The following ARSG variants were observed in gnomAD, a reference collection of about 807,000 sequenced individuals.
ARSG encodes ASG.
ARSG carries 37 observed loss-of-function variants against 50.5 expected under a neutral mutation model. That is an observed-to-expected ratio of 0.73 (90% CI 0.56 to 0.96). The LOEUF is 0.96. Among genes scored for constraint, ARSG ranks in the 50% least tolerant of loss-of-function variants. The pLI is 0.00. For synonymous variants in ARSG, 225 were observed against 254.6 expected, an observed-to-expected ratio of 0.88 and a Z score of 1.11; for missense variants, 629 against 675.3, an observed-to-expected ratio of 0.93 and a Z score of 0.76.
chr17:68,305,286 G>A (rs782430277), intron 1 of ARSG, among the ~76,000 whole-genome samples: 19 of 152,164 alleles, frequency 1.2e-4, no homozygotes, highest in Non-Finnish European at 1.0e-4. Context: ...AGTCTGATTT[G>A]TCGTTTTTAT....
At chr17:68,293,407 T>G (rs1156355739) in intron 1 of ARSG, among the ~76,000 whole-genome samples, 1 of 152,114 alleles carries the variant, frequency 6.6e-6, no homozygotes, top group Non-Finnish European at 1.5e-5. Context: ...AAATTATACC[T>G]AAATCCTCAG....
At chr17:68,391,454 A>G (rs1056228417) in intron 9 of ARSG, among the ~76,000 whole-genome samples, 5 of 152,162 alleles carry the variant, frequency 3.3e-5, no homozygotes, top group African/African-American at 1.2e-4. Context: ...AGTCTGAGAC[A>G]TTAGGATTCC....
At chr17:68,284,133 G>A (rs1443179924) in intron 1 of ARSG, among the ~76,000 whole-genome samples, 5 of 148,032 alleles carry the variant, frequency 3.4e-5, no homozygotes, top group Non-Finnish European at 7.4e-5. Context: ...AAAGCTGGGC[G>A]CAGTGGCTCA....
At chr17:68,293,591 C>T (rs1375208687) in intron 1 of ARSG, among the ~76,000 whole-genome samples, 1 of 151,788 alleles carries the variant, frequency 6.6e-6, no homozygotes, top group African/African-American at 2.4e-5. Context: ...TTGCTTTGTC[C>T]TCAACACTGC....
At chr17:68,325,758 T>A (rs2077480263) in intron 2 of ARSG, among the ~76,000 whole-genome samples, 1 of 152,214 alleles carries the variant, frequency 6.6e-6, no homozygotes, top group African/African-American at 2.4e-5. Flanking sequence ...GCCCTTACCC[T>A]TCTGGGGTTG....
In ARSG at chr17:68,270,715, G is replaced by A. The variant is rs1376782279; in HGVS notation, c.-552+11289G>A. On this transcript the variant is annotated intron_variant, in intron 1 of 11. Transcript: ENST00000448504. ...CTGGCTCAGGTAATCTCTAATCCCT[G>A]GCAGCTCTAAAATTCAATGGAAATA... is the stretch of plus-strand genomic sequence containing the variant. 11 of 811,596 alleles carry A rather than the reference G, an allele frequency of 1.4e-5. No individual in the cohort carries two copies. The Admixed American group carries it at 3.2e-4, about 24-fold the overall frequency. 50.3% of individuals were successfully genotyped at this position (811,596 alleles called of 1,614,324 possible). A position where few individuals can be genotyped will look rare whatever the true frequency, so the allele number is the denominator to read the frequency against.
chr17:68,430,237 G>A, the ARSG span: 41 of 1,449,056 alleles, frequency 2.8e-5, no homozygotes, highest in Admixed American at 2.4e-4. Context: ...ACACCCAAGC[G>A]TCATTAGCCA....
intron 2 of ARSG, among the ~76,000 whole-genome samples, chr17:68,325,473 A>T (rs1014467381): frequency 7.9e-5 from 12 of 152,260 alleles, no homozygotes; most frequent in African/African-American, 2.9e-4. Context: ...CATTTGAATC[A>T]TCTCGAAACC....
At chr17:68,327,652 C>G (rs1555772934) in intron 2 of ARSG, among the ~76,000 whole-genome samples, 1 of 152,190 alleles carries the variant, frequency 6.6e-6, no homozygotes, top group Non-Finnish European at 1.5e-5. Flanking sequence ...CTTAAAATTA[C>G]CTCTGCAATC....
intron 9 of ARSG, among the ~76,000 whole-genome samples, chr17:68,390,081 G>A (rs756790488): frequency 6.6e-5 from 10 of 152,060 alleles, no homozygotes; most frequent in Non-Finnish European, 1.5e-4. Flanking sequence ...TCTGCTTCCC[G>A]GGTTCAAGTG....
At chr17:68,450,685 C>T in the ARSG span, 10 of 1,563,020 alleles carry the variant, frequency 6.4e-6, no homozygotes, top group Admixed American at 2.0e-5. Flanking sequence ...GTTTGGCTCC[C>T]GTTAGCAGAA....
rs571905346 is a variant in ARSG at position 68,298,821 on chromosome 17, A to G, written c.-552+7253A>G. Among the ~76,000 whole-genome samples the G allele has an allele frequency of 2.7e-4, 41 of 152,142 alleles. 1 individual carries two copies. The South Asian group carries it at 8.3e-3, about 31-fold the overall frequency. Reference sequence around the variant, plus strand: ...CAAGTTCTCTGATGTTTCTTCTTGTAAAGGCACTAATCCCATTATCTCATG... The same window carrying G: ...CAAGTTCTCTGATGTTTCTTCTTGTGAAGGCACTAATCCCATTATCTCATG... On this transcript the variant is annotated intron_variant, in intron 1 of 11. Transcript: ENST00000621439.
intron 1 of ARSG, chr17:68,283,169 C>A: frequency 6.6e-6 from 1 of 152,072 alleles, no homozygotes; most frequent in Non-Finnish European, 1.5e-5. Flanking sequence ...TGGCTCACAC[C>A]CATAATCCTA....
intron 11 of ARSG, among the ~76,000 whole-genome samples, chr17:68,403,953 G>A (rs2081593226): frequency 1.3e-5 from 2 of 151,914 alleles, no homozygotes; most frequent in South Asian, 4.1e-4. Flanking sequence ...GTGAGAACAT[G>A]TGGTGTTTGT....
the ARSG span, among the ~76,000 whole-genome samples, chr17:68,446,682 A>G: frequency 6.6e-6 from 1 of 152,136 alleles, no homozygotes; most frequent in African/African-American, 2.4e-5. Flanking sequence ...TTCTGTTCAG[A>G]GGTTTCTGAT....
intron 8 of ARSG, among the ~76,000 whole-genome samples, chr17:68,377,659 C>T (rs1169050370): frequency 3.3e-5 from 5 of 152,248 alleles, no homozygotes; most frequent in South Asian, 4.1e-4. Flanking sequence ...AACAACCTGG[C>T]GGAACCCCAC....
chr17:68,263,661 G>A (rs1435706121), intron 1 of ARSG, among the ~76,000 whole-genome samples: 1 of 151,948 alleles, frequency 6.6e-6, no homozygotes, highest in Non-Finnish European at 1.5e-5. Context: ...TGTGGCCCAG[G>A]CTGGTCTTGA....
At chr17:68,350,809 A>G (rs2078727211) in intron 4 of ARSG, among the ~76,000 whole-genome samples, 1 of 151,836 alleles carries the variant, frequency 6.6e-6, no homozygotes, top group Admixed American at 6.6e-5. Context: ...AATAAAATAA[A>G]ATAAATAAAT....
At chr17:68,288,247 G>A (rs978751409), upstream of ARSG, among the ~76,000 whole-genome samples, 3 of 151,920 alleles carry the variant, frequency 2.0e-5, no homozygotes, top group Admixed American at 6.6e-5. Context: ...TGATCCGCCC[G>A]CCTCAGCCTC....
Sources: gnomAD v4.1 joint callset for allele counts (sites outside exome capture counted in the v4.1 genomes callset) on GRCh38, gnomAD v4.1.1 for gene constraint, MANE v1.5 for transcripts, NCBI Gene and HGNC (gene_info 2026-07-23, HGNC 2026-07-21) for gene names.